PCNX2: variants seen among roughly 807,000 people sequenced by gnomAD.
PCNX2 encodes the protein pecanex-like protein 2.
A neutral mutation model predicts 223.8 loss-of-function variants in PCNX2; 168 were observed. The ratio of observed to expected loss-of-function variants is 0.75; its 90% CI spans 0.66 to 0.85. The LOEUF (loss-of-function observed/expected upper bound fraction) is 0.85, where lower values mean the gene tolerates loss of function less well. PCNX2 is among the 40% of genes least tolerant of loss of function. The pLI, the probability that PCNX2 is intolerant of heterozygous loss-of-function variation, is 0.00. For missense variants in PCNX2, 2,507 were observed against 2,675.5 expected, an observed-to-expected ratio of 0.94 and a Z score of 1.39; for synonymous variants, 1,006 against 1,052.6, an observed-to-expected ratio of 0.96 and a Z score of 0.86.
intron 21 of PCNX2, among the ~76,000 whole-genome samples, chr1:233,129,802 G>A (rs1676351712): frequency 6.6e-6 from 1 of 152,202 alleles, no homozygotes; most frequent in South Asian, 2.1e-4. Context: ...CCATAAACCA[G>A]ACCAATCAGC....
intron 8 of PCNX2, among the ~76,000 whole-genome samples, chr1:233,249,596 G>A (rs1659327293): frequency 6.6e-6 from 1 of 152,214 alleles, no homozygotes; most frequent in Admixed American, 6.5e-5. Flanking sequence ...TTGGTCCATG[G>A]TACCTGAGGG....
chr1:233,167,255 C>A (rs189758124), intron 17 of PCNX2, among the ~76,000 whole-genome samples: 30 of 152,146 alleles, frequency 2.0e-4, no homozygotes, highest in African/African-American at 7.2e-4. Flanking sequence ...CATGGATGAA[C>A]CTGGAGCACA....
intron 23 of PCNX2, among the ~76,000 whole-genome samples, chr1:233,080,427 CACAT>C (rs1558212253): frequency 2.0e-5 from 3 of 151,402 alleles, no homozygotes; most frequent in African/African-American, 4.9e-5. Context: ...CACACACACA[CACAT>C]GCACGCATCT....
chr1:233,252,511 TAA>T lies in PCNX2; in HGVS notation c.1983-14_1983-13del. The T allele has an allele frequency of 1.3e-6, 2 of 1,590,144 alleles. No individual in the cohort carries two copies. On this transcript the variant is annotated splice_polypyrimidine_tract_variant and intron_variant, in intron 6 of 33. Transcript: ENST00000258229. ...TATTGCCCTGAAAACTTAACACATA[TAA>T]AAGTTTCAAAAAAAATGATTAGAAG...
intron 1 of PCNX2, among the ~76,000 whole-genome samples, chr1:233,273,091 C>T (rs916043644): frequency 3.4e-5 from 5 of 149,188 alleles, no homozygotes; most frequent in African/African-American, 7.5e-5. Flanking sequence ...CAAATCACCA[C>T]TAAAGAACTT....
At position 233,092,965 on chromosome 1, in the gene PCNX2, AT is replaced by A. The variant is rs577541605; in HGVS notation, c.3947-2776del. Reference sequence around the variant, plus strand: ...AGGCGCCCACTACCATGCCCGGCTAATTTTTTTGTATTTTTAGTAGAGACGG... The same window carrying A: ...AGGCGCCCACTACCATGCCCGGCTAATTTTTTGTATTTTTAGTAGAGACGG... On this transcript the variant is annotated intron_variant, in intron 22 of 33. Coordinates refer to ENST00000258229, the MANE Select transcript of PCNX2 (RefSeq NM_014801.4). Among the ~76,000 whole-genome samples, 865 of 151,954 alleles carry A rather than the reference AT, an allele frequency of 5.7e-3. 5 individuals are homozygous for A. Among genetic ancestry groups the A allele is most frequent in the African/African-American group, 0.018 (730 of 41,460 alleles).
chr1:232,984,450 CAG>C lies in PCNX2; in HGVS notation c.6266_6267del (p.Pro2089ArgfsTer10), dbSNP rs919665627. The C allele has an allele frequency of 6.2e-7, 1 of 1,613,486 alleles. No homozygotes were observed. The highest frequency in any genetic ancestry group is 8.5e-7 in the Non-Finnish European group (1 of 1,179,738). On this transcript the variant is annotated frameshift_variant, in exon 34 of 34. Coordinates refer to ENST00000258229, the MANE Select transcript of PCNX2 (RefSeq NM_014801.4). LOFTEE classifies it low-confidence loss of function (END_TRUNC). ...TRHLSEPCEPPDATEQGQLHD... is the reference protein window; with the variant it reads ...TRHLSEPCEPXDATEQGQLHD... The stretch of plus-strand genomic sequence containing the variant: ...TGAAGCTGCCCCTGCTCGGTGGCAT[CAG>C]GGGGCTCACATGGCTCGGAGAGGTG...
intron 9 of PCNX2, 92 bp from the exon 10 acceptor site, chr1:233,227,463 CAT>C (rs974612175): frequency 5.6e-6 from 6 of 1,078,414 alleles, no homozygotes; most frequent in Admixed American, 6.2e-5. Context: ...CACACACACA[CAT>C]ATATATGTAC....
intron 10 of PCNX2, among the ~76,000 whole-genome samples, chr1:233,219,549 C>T (rs879829730): frequency 6.6e-6 from 1 of 152,066 alleles, no homozygotes; most frequent in Non-Finnish European, 1.5e-5. Flanking sequence ...TGTTTTTCTA[C>T]CCCACTAAGC....
intron 25 of PCNX2, among the ~76,000 whole-genome samples, chr1:233,039,064 G>A (rs970412845): frequency 6.6e-6 from 1 of 152,086 alleles, no homozygotes; most frequent in Admixed American, 6.6e-5. Flanking sequence ...AAATTGCTAA[G>A]ACAGCCAATA....
chr1:233,317,450 C>CAA, the PCNX2 span, among the ~76,000 whole-genome samples: 1,608 of 151,652 alleles, frequency 0.011, 27 homozygotes, highest in African/African-American at 0.036. Flanking sequence ...CAAACCAAAA[C>CAA]AAAAAAAACT....
intron 27 of PCNX2, among the ~76,000 whole-genome samples, chr1:233,015,098 G>A (rs1042881097): frequency 3.9e-5 from 6 of 152,192 alleles, no homozygotes; most frequent in African/African-American, 1.4e-4. Context: ...TCAAATGGGT[G>A]CCCACCTTAA....
chr1:233,323,671 C>T, the PCNX2 span, among the ~76,000 whole-genome samples: 53 of 152,234 alleles, frequency 3.5e-4, no homozygotes, highest in African/African-American at 1.2e-3. Flanking sequence ...CTATATCAGA[C>T]AGTGGACTTA....
chr1:233,011,556 G>A (rs1422756835), intron 28 of PCNX2, among the ~76,000 whole-genome samples: 1 of 152,170 alleles, frequency 6.6e-6, no homozygotes, highest in Non-Finnish European at 1.5e-5. Flanking sequence ...GCCTTGCTGG[G>A]TTTAGGTAAT....
chr1:233,178,823 T>C (rs988114942), intron 16 of PCNX2, among the ~76,000 whole-genome samples: 1 of 152,222 alleles, frequency 6.6e-6, no homozygotes, highest in Non-Finnish European at 1.5e-5. Flanking sequence ...CTGTGCATTT[T>C]ACTCCAAAAT....
intron 19 of PCNX2, among the ~76,000 whole-genome samples, chr1:233,141,799 G>GTA (rs1553299514): frequency 3.9e-4 from 58 of 150,416 alleles, no homozygotes; most frequent in African/African-American, 1.3e-3. Context: ...GTGTGTGTGT[G>GTA]TATATGAAGA....
At chr1:233,306,238 C>T in the PCNX2 span, among the ~76,000 whole-genome samples, 2 of 152,196 alleles carry the variant, frequency 1.3e-5, no homozygotes, top group African/African-American at 4.8e-5. Context: ...ATGCACCCAA[C>T]AACAGAACCT....
At position 233,259,279 on chromosome 1, in the gene PCNX2, C is replaced by T. The variant is rs1187400536; in HGVS notation, c.583G>A (p.Glu195Lys). Residue 195 changes from glutamate (E) to lysine (K), a missense_variant, in exon 5 of 34, where the codon GAA (glutamate) becomes AAA (lysine). Physicochemically the swap from Glu to Lys is moderately conservative, Grantham distance 56 (BLOSUM62 1). Coordinates refer to ENST00000258229, the MANE Select transcript of PCNX2 (RefSeq NM_014801.4). ...VSSTSPGIKV[E>K]SLPASQAHML... Reference sequence around the variant, plus strand: ...TGTGCTTGAGACGCAGGTAAGCTTTCCACTTTGATACCAGGTGAGGTAGAT... The same window carrying T: ...TGTGCTTGAGACGCAGGTAAGCTTTTCACTTTGATACCAGGTGAGGTAGAT... The T allele has an allele frequency of 6.2e-7, 1 of 1,613,916 alleles. No individual in the cohort carries two copies. The highest frequency in any genetic ancestry group is 8.5e-7 in the Non-Finnish European group (1 of 1,179,864).
chr1:233,295,919 CCT>C (rs146389303), upstream of PCNX2, among the ~76,000 whole-genome samples: 43 of 146,096 alleles, frequency 2.9e-4, 1 homozygote, highest in South Asian at 2.2e-3. The surrounding 1 kb of genome is among the most constrained non-coding windows in gnomAD (Gnocchi z 4.1). Context: ...CTCCTCCCTC[CCT>C]CTCTCTCTCT....
Sources: gnomAD v4.1 joint callset for allele counts (sites outside exome capture counted in the v4.1 genomes callset) on GRCh38, gnomAD v4.1.1 for gene constraint, Gnocchi (gnomAD v3.1) non-coding constraint, MANE v1.5 for transcripts, NCBI Gene and HGNC (gene_info 2026-07-23, HGNC 2026-07-21) for gene names.